Variants in ZDHHC16 observed in about 807,000 individuals in gnomAD.
The protein encoded by ZDHHC16 is zDHHC palmitoyltransferase 16.
ZDHHC16 carries 33 observed loss-of-function variants against 54.4 expected under a neutral mutation model. The observed-to-expected ratio is 0.61, with a 90% CI of 0.46 to 0.81. The LOEUF is 0.81. Among genes scored for constraint, ZDHHC16 ranks in the 30% least tolerant of loss-of-function variants. The pLI is 0.00. For missense variants in ZDHHC16, 420 were observed against 485.9 expected, an observed-to-expected ratio of 0.86 and a Z score of 1.28; for synonymous variants, 185 against 182.1, an observed-to-expected ratio of 1.02 and a Z score of -0.13.
chr10:97,453,691 A>C, intron 7 of ZDHHC16, 28 bp downstream of exon 7: 1 of 1,614,190 alleles, frequency 6.2e-7, no homozygotes, highest in Non-Finnish European at 8.5e-7. Flanking sequence ...AGGGCAGCTC[A>C]GTAGTGCAGA....
chr10:97,455,759 A>G lies in ZDHHC16; in HGVS notation c.924A>G (p.Arg308=). The G allele has an allele frequency of 1.9e-6, 3 of 1,614,168 alleles. No homozygotes were observed. The highest frequency in any genetic ancestry group is 2.5e-6 in the Non-Finnish European group (3 of 1,180,022). The change falls in exon 10 of 12, where the codon AGA becomes AGG. Residue 308 remains arginine (R), a synonymous_variant. Coordinates refer to ENST00000393760, the MANE Select transcript of ZDHHC16 (RefSeq NM_198046.3). ...AAAGGCACATCAACAAGAAGGAGAGACGTCGGCTACAGGCCAAGGGCAGAG... is the reference window on the plus strand; with the variant it reads ...AAAGGCACATCAACAAGAAGGAGAGGCGTCGGCTACAGGCCAAGGGCAGAG... ...SIERHINKKE[R]RRLQAKGRVF...
intron 11 of ZDHHC16, 67 bp downstream of exon 11, chr10:97,456,111 T>C (rs1847159676): frequency 6.6e-7 from 1 of 1,524,838 alleles, no homozygotes. Context: ...GTTCTATGCC[T>C]GTGAGCACTT....
chr10:97,450,111 TC>T (rs1470943440), intron 1 of ZDHHC16, among the ~76,000 whole-genome samples: 1 of 151,558 alleles, frequency 6.6e-6, no homozygotes, highest in Admixed American at 6.6e-5. Flanking sequence ...GACCTCATGA[TC>T]CACCCGCCTC....
In ZDHHC16 at chr10:97,453,517, AT is replaced by A. The variant is rs1846851727; in HGVS notation, c.557-10del. 1 of 1,613,452 alleles carries A rather than the reference AT, an allele frequency of 6.2e-7. No individual in the cohort carries two copies. Among genetic ancestry groups the A allele is most frequent in the Admixed American group, 1.7e-5 (1 of 59,976 alleles). On this transcript the variant is annotated splice_polypyrimidine_tract_variant and intron_variant, in intron 6 of 11. Transcript: ENST00000393760. ...TTGTGTTTGATTCTAGTCCTTAATC[AT>A]TTCCCAACCAGCCTGGCTAAACAAT...
intron 6 of ZDHHC16, 93 bp from the exon 7 acceptor site, chr10:97,453,437 G>C: frequency 6.6e-7 from 1 of 1,521,304 alleles, no homozygotes; most frequent in Non-Finnish European, 8.9e-7. Flanking sequence ...CTGAGGCTTG[G>C]GTGATATTGT....
chr10:97,449,447 G>C, intron 1 of ZDHHC16, among the ~76,000 whole-genome samples: 1 of 152,126 alleles, frequency 6.6e-6, no homozygotes, highest in East Asian at 1.9e-4. Flanking sequence ...TCTTACATTT[G>C]ATTGTGGGTG....
At position 97,455,485 on chromosome 10, in the gene ZDHHC16, T is replaced by C. The variant is rs546833935; in HGVS notation, c.825-175T>C. Reference sequence around the variant, plus strand: ...CTTAGGCCACTTTGATGCTTTTTCATTGATGCTCTTTATAGACATAGTGAA... The same window carrying C: ...CTTAGGCCACTTTGATGCTTTTTCACTGATGCTCTTTATAGACATAGTGAA... On this transcript the variant is annotated intron_variant, in intron 9 of 11. Transcript: ENST00000393760. The C allele has an allele frequency of 1.8e-4, 203 of 1,139,006 alleles. No homozygotes were observed. In the East Asian group the frequency reaches 3.5e-3, roughly 20 times the overall value. The allele number at this position is 1,139,006 out of a possible 1,614,324, so 70.6% of individuals were successfully genotyped here. A position where few individuals can be genotyped will look rare whatever the true frequency, so the allele number is the denominator to read the frequency against.
Position 97,449,861 on chromosome 10 carries a change from C to CTTTTTTTTT in ZDHHC16, c.-185-483_-185-475dup, listed in dbSNP as rs35173837. On this transcript the variant is annotated intron_variant, in intron 1 of 11. Transcript: ENST00000393760. ...TCTCTTTTCTACACTCCCCTTAATT[C>CTTTTTTTTT]TTTTTTTTTTTTTTTTTTTTTGAGA... 6.4e-4 allele frequency among the ~76,000 whole-genome samples: 52 copies of CTTTTTTTTT among 81,528 alleles called. 2 individuals are homozygous for CTTTTTTTTT. Among genetic ancestry groups the CTTTTTTTTT allele is most frequent in the African/African-American group, 1.7e-3 (29 of 17,026 alleles). 53.5% of individuals were successfully genotyped at this position (81,528 alleles called of 152,430 possible).
chr10:97,454,675 C>G, intron 8 of ZDHHC16, 39 bp from the exon 9 acceptor site: 1 of 1,581,920 alleles, frequency 6.3e-7, no homozygotes, highest in Non-Finnish European at 8.7e-7. Flanking sequence ...TGGAGACCCA[C>G]AGAGCAAATG....
rs778141290 is a variant in ZDHHC16, at chr10:97,456,791, G to A, written c.1034G>A (p.Arg345Gln). ...GVDTGRHWLTRVLLPSSHLPH... is the reference protein window; with the variant it reads ...GVDTGRHWLTQVLLPSSHLPH... Reference sequence around the variant, plus strand: ...TTCTCTTCTAGGCACTGGCTTACTCGGGTGCTCTTACCTTCTAGTCACTTG... The same window carrying A: ...TTCTCTTCTAGGCACTGGCTTACTCAGGTGCTCTTACCTTCTAGTCACTTG... The change falls in exon 12 of 12, where the codon CGG becomes CAG. Residue 345 changes from arginine to glutamine, a missense_variant. By Grantham distance (43) the Arg-to-Gln change is conservative. Coordinates refer to ENST00000393760, the MANE Select transcript of ZDHHC16 (RefSeq NM_198046.3). The A allele has an allele frequency of 3.1e-6, 5 of 1,612,132 alleles. No homozygotes were observed. Among genetic ancestry groups the A allele is most frequent in the Non-Finnish European group, 3.4e-6 (4 of 1,178,762 alleles).
Position 97,446,275 on chromosome 10 carries a change from G to A in ZDHHC16, c.-264G>A, listed in dbSNP as rs1392996131. ...TTGAGCCGGGCCCGGCCGGGGCGCC[G>A]AGTCGGAGGGGGTGGCAGTGAGCGG... is the stretch of plus-strand genomic sequence containing the variant. On this transcript the variant is annotated 5_prime_UTR_variant, in exon 1 of 12. Coordinates refer to ENST00000393760, the MANE Select transcript of ZDHHC16 (RefSeq NM_198046.3). 1 of 531,712 alleles carries A rather than the reference G, an allele frequency of 1.9e-6. No homozygotes were observed. The highest frequency in any genetic ancestry group is 1.9e-5 in the African/African-American group (1 of 51,286). 32.9% of individuals were successfully genotyped at this position (531,712 alleles called of 1,614,324 possible).
At position 97,455,697 on chromosome 10, in the gene ZDHHC16, C is replaced by T. The variant is rs752273528; in HGVS notation, c.862C>T (p.His288Tyr). 1.2e-6 allele frequency: 2 copies of T among 1,614,202 alleles called. No individual in the cohort carries two copies. The highest frequency in any genetic ancestry group is 1.7e-6 in the Non-Finnish European group (2 of 1,180,038). Reference protein sequence around the residue: ...ALALGALTVWHAVLISRGETS... With the variant: ...ALALGALTVWYAVLISRGETS... ...TGCCCTGGGTGCCCTAACTGTATGGCATGCTGTTCTCATCAGTCGAGGTGA... is the reference window on the plus strand; with the variant it reads ...TGCCCTGGGTGCCCTAACTGTATGGTATGCTGTTCTCATCAGTCGAGGTGA... The change falls in exon 10 of 12, where the codon CAT becomes TAT. Residue 288 changes from histidine (H) to tyrosine (Y), a missense_variant. His to Tyr is a moderately conservative substitution (Grantham distance 83). Coordinates refer to ENST00000393760, the MANE Select transcript of ZDHHC16 (RefSeq NM_198046.3).
In ZDHHC16 at chr10:97,446,295, G is replaced by C; in HGVS notation, c.-244G>C. The C allele has an allele frequency of 2.0e-6, 1 of 499,138 alleles. No individual in the cohort carries two copies. Among genetic ancestry groups the C allele is most frequent in the South Asian group, 2.2e-5 (1 of 46,218 alleles). The allele number at this position is 499,138 out of a possible 1,614,324, so 30.9% of individuals were successfully genotyped here. ...GCGCCGAGTCGGAGGGGGTGGCAGT[G>C]AGCGGCGGCAGAGGCTACGGGGCTC... On this transcript the variant is annotated 5_prime_UTR_variant, in exon 1 of 12. The change abolishes the stop of an existing upstream ORF in the 5' untranslated region. Coordinates refer to ENST00000393760, the MANE Select transcript of ZDHHC16 (RefSeq NM_198046.3).
In ZDHHC16 at chr10:97,457,021, AG is replaced by A. The variant is rs1277346184; in HGVS notation, c.*132del. 1 of 588,234 alleles carries A rather than the reference AG, an allele frequency of 1.7e-6. No homozygotes were observed. The highest frequency in any genetic ancestry group is 1.9e-5 in the African/African-American group (1 of 53,120). 36.4% of individuals were successfully genotyped at this position (588,234 alleles called of 1,614,324 possible). ...GTGGGCCTGCCTTAGGGTACCATGC[AG>A]GACAATTCAAGGACCAGCCTTTTTA... On this transcript the variant is annotated 3_prime_UTR_variant, in exon 12 of 12. Coordinates refer to ENST00000393760, the MANE Select transcript of ZDHHC16 (RefSeq NM_198046.3).
rs543170791 is a variant in ZDHHC16, at chr10:97,446,213, G to C, written c.-326G>C. Reference sequence around the variant, plus strand: ...GGCTGGCGGCGGGTCCGGGTCCGCTGCCTGGCGCTGCGGGCGGCGGGCCAT... The same window carrying C: ...GGCTGGCGGCGGGTCCGGGTCCGCTCCCTGGCGCTGCGGGCGGCGGGCCAT... On this transcript the variant is annotated 5_prime_UTR_variant, in exon 1 of 12. Transcript: ENST00000393760. 118 of 635,650 alleles carry C rather than the reference G, an allele frequency of 1.9e-4. 1 individual carries two copies. Among genetic ancestry groups the C allele is most frequent in the Admixed American group, 1.8e-3 (62 of 34,810 alleles). 39.4% of individuals were successfully genotyped at this position (635,650 alleles called of 1,614,324 possible).
chr10:97,455,635 C>G (rs1173333800), intron 9 of ZDHHC16, 25 bp from the exon 10 acceptor site: 20 of 1,614,244 alleles, frequency 1.2e-5, no homozygotes, highest in Non-Finnish European at 1.7e-5. Flanking sequence ...AAACTACCCA[C>G]CAGTCTTCGC....
At chr10:97,450,858 C>CA (rs11395509) in intron 2 of ZDHHC16, 54,293 of 152,130 alleles carry the variant, frequency 0.36, 10,279 homozygotes, top group Non-Finnish European at 0.43. Context: ...CATGAATCAA[C>CA]ATGGAGGTCC....
chr10:97,448,621 G>A (rs1009302601), intron 1 of ZDHHC16, among the ~76,000 whole-genome samples: 7 of 152,306 alleles, frequency 4.6e-5, no homozygotes, highest in African/African-American at 1.7e-4. Flanking sequence ...GCTGGGCGAG[G>A]TGGCAGGTGC....
chr10:97,450,107 A>G (rs1300831743), intron 1 of ZDHHC16, among the ~76,000 whole-genome samples: 2 of 141,396 alleles, frequency 1.4e-5, no homozygotes, highest in African/African-American at 2.7e-5. Context: ...TCCTGACCTC[A>G]TGATCCACCC....
Sources: gnomAD v4.1 joint callset for allele counts (sites outside exome capture counted in the v4.1 genomes callset) on GRCh38, gnomAD v4.1.1 for gene constraint, MANE v1.5 for transcripts, NCBI Gene and HGNC (gene_info 2026-07-23, HGNC 2026-07-21) for gene names.